GRM3: variants seen among roughly 807,000 people sequenced by gnomAD.
GRM3 encodes metabotropic glutamate receptor 3.
A neutral mutation model predicts 70.5 loss-of-function variants in GRM3; 26 were observed. The observed-to-expected ratio is 0.37, with a 90% CI of 0.27 to 0.51. The LOEUF is 0.51. Among genes scored for constraint, GRM3 ranks in the 20% least tolerant of loss-of-function variants. GRM3 has a pLI of 0.93. For missense variants in GRM3, 859 were observed against 1,123.8 expected (o/e 0.76, Z 3.37); for synonymous variants, 443 against 434.9 (o/e 1.02, Z -0.23).
chr7:86,850,407 G>A lies in GRM3; in HGVS notation c.2429G>A (p.Ser810Asn). Residue 810 changes from serine to asparagine, a missense_variant, in exon 5 of 6, where the codon AGT becomes AAT. Ser to Asn is a conservative substitution (Grantham distance 46). Coordinates refer to ENST00000361669, the MANE Select transcript of GRM3 (RefSeq NM_000840.3). ...TTTMCISVSL[S>N]GFVVLGCLFA... Reference sequence around the variant, plus strand: ...ACCATGTGCATCTCTGTCAGCCTGAGTGGCTTTGTGGTCTTGGGCTGTTTG... The same window carrying A: ...ACCATGTGCATCTCTGTCAGCCTGAATGGCTTTGTGGTCTTGGGCTGTTTG... 6.2e-7 allele frequency: 1 copy of A among 1,613,174 alleles called. No homozygotes were observed. The highest frequency in any genetic ancestry group is 8.5e-7 in the Non-Finnish European group (1 of 1,179,380).
chr7:86,778,035 A>G (rs1038431530), intron 2 of GRM3, among the ~76,000 whole-genome samples: 1 of 152,182 alleles, frequency 6.6e-6, no homozygotes, highest in Admixed American at 6.5e-5. Context: ...ACTAAACAAA[A>G]CATTCAGCAC....
chr7:86,787,137 C>T, intron 3 of GRM3, 21 bp downstream of exon 3: 1 of 1,572,318 alleles, frequency 6.4e-7, no homozygotes, highest in Non-Finnish European at 8.7e-7. Flanking sequence ...AGCCTTTAAA[C>T]ATCTTCTCAG....
intron 4 of GRM3, among the ~76,000 whole-genome samples, chr7:86,841,153 TTAAAA>T (rs1798552156): frequency 6.6e-6 from 1 of 152,178 alleles, no homozygotes; most frequent in South Asian, 2.1e-4. Flanking sequence ...TCTTTGCGAA[TTAAAA>T]TAGATAAATA....
At chr7:86,766,044 T>C (rs886624799) in intron 2 of GRM3, among the ~76,000 whole-genome samples, 1 of 152,200 alleles carries the variant, frequency 6.6e-6, no homozygotes, top group South Asian at 2.1e-4. Flanking sequence ...CAAACTCAGC[T>C]GTACAAAGCT....
At chr7:86,689,841 A>G (rs1242260983) in intron 1 of GRM3, among the ~76,000 whole-genome samples, 2 of 152,168 alleles carry the variant, frequency 1.3e-5, no homozygotes, top group African/African-American at 4.8e-5. Flanking sequence ...TTGGTCTATT[A>G]GATTTTCATA....
At chr7:86,831,690 G>A (rs533824282) in intron 3 of GRM3, among the ~76,000 whole-genome samples, 9 of 148,126 alleles carry the variant, frequency 6.1e-5, no homozygotes, top group South Asian at 2.1e-4. Context: ...ACAATAATAC[G>A]TAGAATCTAG....
intron 5 of GRM3, among the ~76,000 whole-genome samples, chr7:86,862,433 C>A (rs530931303): frequency 6.6e-6 from 1 of 151,884 alleles, no homozygotes; most frequent in Non-Finnish European, 1.5e-5. Context: ...TGATTATGAC[C>A]ACTTTCCATC....
intron 1 of GRM3, among the ~76,000 whole-genome samples, chr7:86,759,213 A>G (rs1278734012): frequency 1.3e-5 from 2 of 152,066 alleles, no homozygotes; most frequent in African/African-American, 2.4e-5. Context: ...TCTCAGACCA[A>G]TAACATGTAT....
intron 1 of GRM3, among the ~76,000 whole-genome samples, chr7:86,718,054 G>T (rs561658427): frequency 8.6e-5 from 13 of 151,990 alleles, no homozygotes; most frequent in Non-Finnish European, 1.3e-4. Flanking sequence ...AGTGTGAATA[G>T]TGTTTTATAA....
chr7:86,792,533 C>A (rs919931819), intron 3 of GRM3, among the ~76,000 whole-genome samples: 4 of 152,116 alleles, frequency 2.6e-5, no homozygotes, highest in Admixed American at 2.6e-4. Context: ...AAATTGAGAA[C>A]TTGACACAAA....
Position 86,681,723 on chromosome 7 carries a change from C to G in GRM3, c.-141+36851C>G, listed in dbSNP as rs557116922. On this transcript the variant is annotated intron_variant, in intron 1 of 5. Transcript: ENST00000361669. ...CATATGGGTTTTCCTGGTTTGAACC[C>G]TATCATCTCTTCATACTCTTATATT... 3.3e-5 allele frequency among the ~76,000 whole-genome samples: 5 copies of G among 152,122 alleles called. 1 individual carries two copies. In the South Asian group the frequency reaches 1.0e-3, roughly 32 times the overall value.
At position 86,765,477 on chromosome 7, in the gene GRM3, A is replaced by G. The variant is rs1796577228; in HGVS notation, c.332A>G (p.Glu111Gly). Reference protein sequence around the residue: ...RDTYALEQSLEFVRASLTKVD... With the variant: ...RDTYALEQSLGFVRASLTKVD... ...ACCTATGCATTGGAGCAATCACTGG[A>G]GTTTGTCAGGGCATCTTTGACAAAA... The change falls in exon 2 of 6, where the codon GAG becomes GGG. Residue 111 changes from glutamate (E) to glycine (G), a missense_variant. Glu to Gly is a moderately conservative substitution (Grantham distance 98). Transcript: ENST00000361669. 3 of 1,613,908 alleles carry G rather than the reference A, an allele frequency of 1.9e-6. No individual in the cohort carries two copies. The highest frequency in any genetic ancestry group is 2.5e-6 in the Non-Finnish European group (3 of 1,179,886).
intron 3 of GRM3, among the ~76,000 whole-genome samples, chr7:86,825,312 T>A (rs1798210048): frequency 6.6e-6 from 1 of 152,274 alleles, no homozygotes; most frequent in Non-Finnish European, 1.5e-5. Flanking sequence ...GTCACCTCAA[T>A]TATTTCCAGG....
chr7:86,659,876 C>T (rs1465060041), intron 1 of GRM3, among the ~76,000 whole-genome samples: 1 of 151,920 alleles, frequency 6.6e-6, no homozygotes, highest in African/African-American at 2.4e-5. Context: ...TTAATCTTCA[C>T]ATTAAAAGAG....
chr7:86,661,394 A>C (rs971362915), intron 1 of GRM3, among the ~76,000 whole-genome samples: 2 of 151,910 alleles, frequency 1.3e-5, no homozygotes, highest in Admixed American at 1.3e-4. Context: ...TTTACTAAGC[A>C]CTTTTTGTTA....
At chr7:86,799,958 C>T (rs1797645042) in intron 3 of GRM3, among the ~76,000 whole-genome samples, 1 of 152,080 alleles carries the variant, frequency 6.6e-6, no homozygotes, top group East Asian at 1.9e-4. Context: ...TATGTTGAAC[C>T]AGGCTTGCAT....
intron 1 of GRM3, among the ~76,000 whole-genome samples, chr7:86,728,141 A>T (rs1374315329): frequency 6.6e-6 from 1 of 152,160 alleles, no homozygotes; most frequent in Non-Finnish European, 1.5e-5. Context: ...CCACATTAAT[A>T]CAAGGCCCAG....
chr7:86,861,510 C>T (rs573825620), intron 5 of GRM3, among the ~76,000 whole-genome samples: 229 of 152,244 alleles, frequency 1.5e-3, no homozygotes, highest in Non-Finnish European at 2.3e-3. Context: ...AACTGATTGG[C>T]TATTATTTTA....
In GRM3 at chr7:86,839,672, G is replaced by T; in HGVS notation, c.2158G>T (p.Ala720Ser). ...CCCAGGCACCAGGAGGTATACCCTT[G>T]CAGAGAAGCGGGAAACAGTCATCCT... is the stretch of plus-strand genomic sequence containing the variant. The part of the protein sequence containing the change: ...EAPGTRRYTL[A>S]EKRETVILKC... Residue 720 changes from alanine to serine, a missense_variant, in exon 4 of 6, where the codon GCA becomes TCA. By Grantham distance (99) the Ala-to-Ser change is moderately conservative. Coordinates refer to ENST00000361669, the MANE Select transcript of GRM3 (RefSeq NM_000840.3). This position sits in a 1 kb window ranked among gnomAD's most constrained non-coding sequence, Gnocchi z 4.5. 6.2e-7 allele frequency: 1 copy of T among 1,613,958 alleles called. No individual in the cohort carries two copies. Among genetic ancestry groups the T allele is most frequent in the South Asian group, 1.1e-5 (1 of 91,074 alleles).
Sources: allele counts gnomAD v4.1 joint callset (sites outside exome capture counted in the v4.1 genomes callset), GRCh38; gene constraint gnomAD v4.1.1; non-coding constraint Gnocchi (gnomAD v3.1); transcripts MANE v1.5; gene names NCBI Gene and HGNC (gene_info 2026-07-23, HGNC 2026-07-21).